RGS5: variants seen among roughly 807,000 people sequenced by gnomAD.
RGS5 encodes regulator of G-protein signalling 5.
Under a neutral mutation model 18.9 loss-of-function variants are expected in RGS5, and 20 were observed. The ratio of observed to expected loss-of-function variants is 1.06; its 90% CI spans 0.74 to 1.54. The LOEUF is 1.54. RGS5 is among the 40% of genes most tolerant of loss of function. The pLI is 0.00. For synonymous variants in RGS5, 57 were observed against 76.2 expected, an observed-to-expected ratio of 0.75 and a Z score of 1.31; for missense variants, 201 against 211.8, an observed-to-expected ratio of 0.95 and a Z score of 0.32.
At chr1:163,284,981 A>T (rs1344377783) in intron 2 of RGS5, among the ~76,000 whole-genome samples, 1 of 152,130 alleles carries the variant, frequency 6.6e-6, no homozygotes, top group East Asian at 1.9e-4. Context: ...AGGCCTCACA[A>T]TCATGGTAGC....
chr1:163,147,127 G>T lies in RGS5; in HGVS notation c.*215C>A. 1 of 394,420 alleles carries T rather than the reference G, an allele frequency of 2.5e-6. No individual in the cohort carries two copies. The highest frequency in any genetic ancestry group is 4.4e-6 in the Non-Finnish European group (1 of 224,856). The allele number at this position is 394,420 out of a possible 1,614,324, so 24.4% of individuals were successfully genotyped here. On this transcript the variant is annotated 3_prime_UTR_variant, in exon 5 of 5. Coordinates refer to ENST00000313961, the MANE Select transcript of RGS5 (RefSeq NM_003617.4). ...CTGAAGATATCTTAATTAATAACAG[G>T]GCAGGAAGAATTGAGTGGGGAAAGA...
At chr1:163,204,246 C>G (rs1173522883), upstream of RGS5, among the ~76,000 whole-genome samples, 1 of 151,856 alleles carries the variant, frequency 6.6e-6, no homozygotes, top group Admixed American at 6.6e-5. Flanking sequence ...ACAGGGTCAT[C>G]AGGTAAACTA....
At chr1:163,180,263 G>A (rs1193199655) in intron 1 of RGS5, among the ~76,000 whole-genome samples, 1 of 152,072 alleles carries the variant, frequency 6.6e-6, no homozygotes, top group Non-Finnish European at 1.5e-5. Context: ...GGTGTGAACC[G>A]CTGCGCCCAG....
rs573852468 is a variant in RGS5, at chr1:163,292,630, C to T, written c.-281+13603G>A. ...CCATGGTTGAACTAATTTACACTCC[C>T]AAGAACAATGTAAAAGCATTTGTTT... On this transcript the variant is annotated intron_variant, in intron 2 of 5. Transcript: ENST00000618415. Among the ~76,000 whole-genome samples, 20 of 152,298 alleles carry T rather than the reference C, an allele frequency of 1.3e-4. No individual in the cohort carries two copies. In the South Asian group the frequency reaches 4.2e-3, roughly 32 times the overall value.
chr1:163,253,039 T>C (rs1181478425), intron 2 of RGS5, among the ~76,000 whole-genome samples: 1 of 152,220 alleles, frequency 6.6e-6, no homozygotes, highest in African/African-American at 2.4e-5. Flanking sequence ...TTGGGAACAC[T>C]AAACAATAGG....
chr1:163,264,177 T>C (rs1475786872), intron 2 of RGS5, among the ~76,000 whole-genome samples: 2 of 152,084 alleles, frequency 1.3e-5, no homozygotes, highest in Non-Finnish European at 1.5e-5. Context: ...GAGTACCCTC[T>C]GCTAAATGTG....
chr1:163,158,942 G>C (rs528954102), intron 3 of RGS5, among the ~76,000 whole-genome samples: 1 of 152,066 alleles, frequency 6.6e-6, no homozygotes, highest in African/African-American at 2.4e-5. Context: ...TTCCCAAAGC[G>C]GCCATTTCAG....
rs1036993361 is a variant in RGS5, at chr1:163,144,834, T to C, written c.*2508A>G. On this transcript the variant is annotated 3_prime_UTR_variant, in exon 5 of 5. Transcript: ENST00000313961. ...CTTTCAGAAGTGTTCAAAGAAATTT[T>C]CTTGAACAATTTTAATATGTTTGAT... 5 of 152,634 alleles carry C rather than the reference T, an allele frequency of 3.3e-5. No homozygotes were observed. Among genetic ancestry groups the C allele is most frequent in the Admixed American group, 1.3e-4 (2 of 15,268 alleles). 9.5% of individuals were successfully genotyped at this position (152,634 alleles called of 1,614,324 possible).
upstream of RGS5, among the ~76,000 whole-genome samples, chr1:163,204,216 T>A (rs1293566296): frequency 1.3e-5 from 2 of 152,046 alleles, no homozygotes; most frequent in African/African-American, 4.8e-5. Flanking sequence ...TTGACTTTAA[T>A]TATCAATATG....
chr1:163,309,807 A>G lies in RGS5; in HGVS notation c.-377-3478T>C, dbSNP rs952512434. Among the ~76,000 whole-genome samples the G allele has an allele frequency of 5.3e-5, 8 of 152,334 alleles. No homozygotes were observed. The East Asian group carries it at 5.8e-4, about 11-fold the overall frequency. ...GTTTTCAGTTTACTTTGCCATATCT[A>G]TAAGAGGAATCACTGAAGCAGGTCT... On this transcript the variant is annotated intron_variant, in intron 1 of 5. Transcript: ENST00000618415.
chr1:163,266,222 C>T (rs1204592698), intron 2 of RGS5, among the ~76,000 whole-genome samples: 2 of 152,126 alleles, frequency 1.3e-5, no homozygotes, highest in Non-Finnish European at 2.9e-5. Context: ...TAATCTCCTC[C>T]CTACCACTTA....
intron 2 of RGS5, among the ~76,000 whole-genome samples, chr1:163,274,425 T>C (rs1648800410): frequency 6.6e-6 from 1 of 151,982 alleles, no homozygotes; most frequent in African/African-American, 2.4e-5. Context: ...GAAAAGAAGC[T>C]CCTGTGCTAG....
chr1:163,254,518 T>C (rs1648216171), intron 2 of RGS5, among the ~76,000 whole-genome samples: 1 of 152,022 alleles, frequency 6.6e-6, no homozygotes, highest in Non-Finnish European at 1.5e-5. Flanking sequence ...TGTAAATTTG[T>C]TGGAGTTCAT....
At chr1:163,278,029 CA>C (rs998734560) in intron 2 of RGS5, among the ~76,000 whole-genome samples, 2 of 149,092 alleles carry the variant, frequency 1.3e-5, no homozygotes, top group South Asian at 2.1e-4. Context: ...TAAACATTTG[CA>C]AAAAAAATGC....
chr1:163,186,061 GA>G (rs1257073931), intron 1 of RGS5, among the ~76,000 whole-genome samples: 4 of 122,072 alleles, frequency 3.3e-5, no homozygotes, highest in Non-Finnish European at 5.0e-5. Flanking sequence ...TAGAAATAGA[GA>G]AAAAAAAGGT....
chr1:163,212,286 G>A (rs948553545), intron 1 of RGS5: 4 of 152,122 alleles, frequency 2.6e-5, no homozygotes, highest in African/African-American at 9.7e-5. Flanking sequence ...TAGGGAACAT[G>A]TTTTATTTGT....
At chr1:163,287,858 G>T (rs1486331012) in intron 2 of RGS5, among the ~76,000 whole-genome samples, 1 of 152,128 alleles carries the variant, frequency 6.6e-6, no homozygotes, top group Non-Finnish European at 1.5e-5. Flanking sequence ...GCATTGAGTG[G>T]ATTGCCTTTA....
intron 2 of RGS5, among the ~76,000 whole-genome samples, chr1:163,288,710 T>C (rs1342875629): frequency 6.6e-6 from 1 of 152,150 alleles, no homozygotes; most frequent in South Asian, 2.1e-4. Flanking sequence ...CTGACTCCCA[T>C]ATATATCACC....
At chr1:163,235,778 T>G (rs1039899709) in intron 2 of RGS5, among the ~76,000 whole-genome samples, 3 of 152,250 alleles carry the variant, frequency 2.0e-5, no homozygotes, top group African/African-American at 7.2e-5. Context: ...CTCTTACTTC[T>G]TAAAACTTTG....
Sources: allele counts gnomAD v4.1 joint callset (sites outside exome capture counted in the v4.1 genomes callset), GRCh38; gene constraint gnomAD v4.1.1; transcripts MANE v1.5; gene names NCBI Gene and HGNC (gene_info 2026-07-23, HGNC 2026-07-21).